Variants in GPATCH2 observed in about 807,000 individuals in gnomAD.
The protein encoded by GPATCH2 is G patch domain-containing protein 2.
In GPATCH2, 51 loss-of-function variants were observed where a neutral mutation model predicts 58.0. The ratio of observed to expected loss-of-function variants is 0.88; its 90% confidence interval spans 0.70 to 1.11. The LOEUF is 1.11. Among genes scored for constraint, GPATCH2 ranks in the 50% most tolerant of loss-of-function variants. The pLI is 0.00. For synonymous variants in GPATCH2, 222 were observed against 218.5 expected, an observed-to-expected ratio of 1.02 and a Z score of -0.14; for missense variants, 625 against 652.2, an observed-to-expected ratio of 0.96 and a Z score of 0.45.
chr1:217,614,087 C>T (rs1668766493), intron 3 of GPATCH2, 54 bp downstream of exon 3: 1 of 947,146 alleles, frequency 1.1e-6, no homozygotes, highest in Non-Finnish European at 1.7e-6. Flanking sequence ...TAATAAGCTC[C>T]ACTTTAGAAT....
chr1:217,473,998 T>C (rs114087069), intron 8 of GPATCH2, among the ~76,000 whole-genome samples: 3,356 of 152,318 alleles, frequency 0.022, 133 homozygotes, highest in African/African-American at 0.075. Flanking sequence ...AATTTGATTA[T>C]AGGACTCATT....
intron 9 of GPATCH2, among the ~76,000 whole-genome samples, chr1:217,435,397 T>C (rs1224257323): frequency 6.6e-6 from 1 of 152,224 alleles, no homozygotes; most frequent in Non-Finnish European, 1.5e-5. Flanking sequence ...GATGAAAATC[T>C]TGTATCGGCC....
intron 5 of GPATCH2, among the ~76,000 whole-genome samples, chr1:217,569,123 A>T (rs1036260104): frequency 1.4e-5 from 2 of 146,166 alleles, no homozygotes; most frequent in African/African-American, 5.0e-5. Flanking sequence ...TATTTACTTT[A>T]AAAAAAAAAA....
chr1:217,621,194 T>C (rs946575864), intron 1 of GPATCH2, among the ~76,000 whole-genome samples: 79 of 152,336 alleles, frequency 5.2e-4, no homozygotes, highest in African/African-American at 1.8e-3. Context: ...ATTACCAGTA[T>C]GAAAATTATC....
chr1:217,598,319 T>C (rs1439310560), intron 5 of GPATCH2, among the ~76,000 whole-genome samples: 2 of 152,026 alleles, frequency 1.3e-5, no homozygotes, highest in Admixed American at 6.6e-5. Context: ...ACCTGGGAAC[T>C]GGAGGTTGCA....
At chr1:217,577,892 A>C (rs1355746210) in intron 5 of GPATCH2, among the ~76,000 whole-genome samples, 1 of 151,708 alleles carries the variant, frequency 6.6e-6, no homozygotes, top group Non-Finnish European at 1.5e-5. Context: ...GGATTGCAGG[A>C]ATGCGCCACC....
intron 5 of GPATCH2, among the ~76,000 whole-genome samples, chr1:217,543,339 G>A (rs942865061): frequency 4.9e-5 from 7 of 143,512 alleles, no homozygotes; most frequent in African/African-American, 7.8e-5. Flanking sequence ...GCGCAATCTC[G>A]GCTCACTGCA....
chr1:217,527,477 C>G (rs1663968053), intron 5 of GPATCH2, among the ~76,000 whole-genome samples: 1 of 130,212 alleles, frequency 7.7e-6, no homozygotes, highest in Non-Finnish European at 1.7e-5. Flanking sequence ...CAATAACATC[C>G]ATTTTTTTTT....
intron 8 of GPATCH2, among the ~76,000 whole-genome samples, chr1:217,454,719 T>C (rs966074038): frequency 6.6e-6 from 1 of 151,540 alleles, no homozygotes; most frequent in Admixed American, 6.6e-5. Flanking sequence ...TTCAAGTGAT[T>C]CTCATACCTC....
At chr1:217,440,974 A>G (rs1447200875) in intron 9 of GPATCH2, among the ~76,000 whole-genome samples, 2 of 152,172 alleles carry the variant, frequency 1.3e-5, no homozygotes, top group African/African-American at 4.8e-5. Flanking sequence ...TCAAGCTAAC[A>G]TTGACTTTCT....
intron 8 of GPATCH2, among the ~76,000 whole-genome samples, chr1:217,455,434 G>A (rs1357717484): frequency 6.6e-6 from 1 of 152,134 alleles, no homozygotes; most frequent in African/African-American, 2.4e-5. Context: ...ACCACATGTA[G>A]TCTGAGGCTC....
At chr1:217,621,131 C>T (rs937813141) in intron 1 of GPATCH2, among the ~76,000 whole-genome samples, 11 of 152,334 alleles carry the variant, frequency 7.2e-5, no homozygotes, top group African/African-American at 2.6e-4. Flanking sequence ...CCCATCATTA[C>T]TTCATTCTGA....
chr1:217,598,239 T>G (rs960893177), intron 5 of GPATCH2, among the ~76,000 whole-genome samples: 1 of 151,724 alleles, frequency 6.6e-6, no homozygotes, highest in African/African-American at 2.4e-5. Context: ...TACAAAAAAA[T>G]TAGCTAAGTG....
intron 7 of GPATCH2, chr1:217,495,118 T>G: frequency 2.4e-6 from 1 of 411,516 alleles, no homozygotes; most frequent in Non-Finnish European, 3.3e-6. Flanking sequence ...AGAATTACAT[T>G]AAAATCTGTA....
In GPATCH2 at chr1:217,446,851, C is replaced by T. The variant is rs141922624; in HGVS notation, c.1366+2398G>A. On this transcript the variant is annotated intron_variant, in intron 9 of 9. Transcript: ENST00000366935. ...TTCTTCTGATGTTACTGAGTTGTAA[C>T]GTCAAAATCGCCTTGCAGAAATAAT... 2.8e-3 allele frequency among the ~76,000 whole-genome samples: 430 copies of T among 152,240 alleles called. 1 individual carries two copies. The highest frequency in any genetic ancestry group is 9.8e-3 in the African/African-American group (406 of 41,556).
intron 7 of GPATCH2, among the ~76,000 whole-genome samples, chr1:217,496,766 AC>A (rs1167066299): frequency 1.3e-5 from 2 of 152,142 alleles, no homozygotes; most frequent in Non-Finnish European, 2.9e-5. Flanking sequence ...AAGAAACCTA[AC>A]CCTGTATTTC....
chr1:217,502,679 A>G (rs2102556002), intron 6 of GPATCH2, among the ~76,000 whole-genome samples: 1 of 152,234 alleles, frequency 6.6e-6, no homozygotes, highest in East Asian at 1.9e-4. Flanking sequence ...AATATTTAAA[A>G]AGCACTACAA....
At chr1:217,464,261 T>C (rs1474683635) in intron 8 of GPATCH2, among the ~76,000 whole-genome samples, 2 of 152,068 alleles carry the variant, frequency 1.3e-5, no homozygotes, top group Non-Finnish European at 1.5e-5. Flanking sequence ...GCCAACAAGG[T>C]ATTCCCCAAA....
intron 8 of GPATCH2, among the ~76,000 whole-genome samples, chr1:217,481,936 CAAT>C: frequency 6.6e-6 from 1 of 152,088 alleles, no homozygotes; most frequent in East Asian, 1.9e-4. Context: ...AAAATAGAAA[CAAT>C]AATAATACAG....
Sources: allele counts gnomAD v4.1 joint callset (sites outside exome capture counted in the v4.1 genomes callset), GRCh38; gene constraint gnomAD v4.1.1; transcripts MANE v1.5; gene names NCBI Gene and HGNC (gene_info 2026-07-23, HGNC 2026-07-21).